Variants in BCR observed in about 807,000 individuals in gnomAD.
The protein encoded by BCR is breakpoint cluster region protein.
Under a neutral mutation model 138.6 loss-of-function variants are expected in BCR, and 58 were observed. That is an observed-to-expected ratio of 0.42 (90% CI 0.34 to 0.52). BCR has a LOEUF of 0.52. Ranked by LOEUF, BCR falls within the 20% of genes least tolerant of loss-of-function variation. BCR has a pLI of 0.06. For missense variants in BCR, 1,599 were observed against 1,727.2 expected (o/e 0.93, Z 1.32); for synonymous variants, 786 against 730.1 (o/e 1.08, Z -1.23).
At chr22:23,198,094 G>A (rs538244719) in intron 1 of BCR, among the ~76,000 whole-genome samples, 8 of 152,232 alleles carry the variant, frequency 5.3e-5, no homozygotes, top group Admixed American at 3.3e-4. Flanking sequence ...TTTATGTTGC[G>A]GAAAGGCTAA....
chr22:23,230,953 CCGAACCAT>C (rs2146243303), intron 1 of BCR, among the ~76,000 whole-genome samples: 1 of 152,280 alleles, frequency 6.6e-6, no homozygotes, highest in African/African-American at 2.4e-5. Flanking sequence ...GCACAGTATC[CCGAACCAT>C]CTAACGGGGC....
chr22:23,201,454 G>T lies in BCR; in HGVS notation c.1279+19215G>T, dbSNP rs371867678. Among the ~76,000 whole-genome samples, 313 of 95,006 alleles carry T rather than the reference G, an allele frequency of 3.3e-3. 2 individuals are homozygous for T. The highest frequency in any genetic ancestry group is 0.018 in the African/African-American group (297 of 16,772). The allele number at this position is 95,006 out of a possible 152,430, so 62.3% of individuals were successfully genotyped here. ...TGCTTTTCTCTTCTCAGTGAATCTGGTTTTTTTGTTTTTTCGTTTTTGAGA... is the reference window on the plus strand; with the variant it reads ...TGCTTTTCTCTTCTCAGTGAATCTGTTTTTTTTGTTTTTTCGTTTTTGAGA... On this transcript the variant is annotated intron_variant, in intron 1 of 22. Coordinates refer to ENST00000305877, the MANE Select transcript of BCR (RefSeq NM_004327.4).
At chr22:23,236,448 C>T (rs538220623) in intron 1 of BCR, among the ~76,000 whole-genome samples, 23 of 152,190 alleles carry the variant, frequency 1.5e-4, no homozygotes, top group Non-Finnish European at 3.1e-4. Context: ...CCTAATAGAC[C>T]ACTCCAACTT....
rs368527107 is a variant in BCR at position 23,180,960 on chromosome 22, C to T, written c.-1C>T. The T allele has an allele frequency of 2.7e-5, 37 of 1,348,394 alleles. 1 individual carries two copies. In the Middle Eastern group the frequency reaches 7.0e-4, roughly 26 times the overall value. 83.5% of individuals were successfully genotyped at this position (1,348,394 alleles called of 1,614,324 possible). A position where few individuals can be genotyped will look rare whatever the true frequency, so the allele number is the denominator to read the frequency against. On this transcript the variant is annotated 5_prime_UTR_variant, in exon 1 of 23. Transcript: ENST00000305877. Reference sequence around the variant, plus strand: ...GCGGCGCAGGTAAGGCCGGCCGCGCCATGGTGGACCCGGTGGGCTTCGCGG... The same window carrying T: ...GCGGCGCAGGTAAGGCCGGCCGCGCTATGGTGGACCCGGTGGGCTTCGCGG...
In BCR at chr22:23,252,428, T is replaced by TG. The variant is rs2073240296; in HGVS notation, c.1280-1371_1280-1370insG. Among the ~76,000 whole-genome samples, 8 of 48,574 alleles carry TG rather than the reference T, an allele frequency of 1.6e-4. No individual in the cohort carries two copies. In the South Asian group the frequency reaches 6.0e-3, roughly 37 times the overall value. 31.9% of individuals were successfully genotyped at this position (48,574 alleles called of 152,430 possible). Reference sequence around the variant, plus strand: ...TGGGTTTCCCTTTCTTTTTCTTTTCTTTTCTTTTTTTTTTTTTTTTGAGAC... The same window carrying TG: ...TGGGTTTCCCTTTCTTTTTCTTTTCTGTTTCTTTTTTTTTTTTTTTTGAGAC... On this transcript the variant is annotated intron_variant, in intron 1 of 22. Coordinates refer to ENST00000305877, the MANE Select transcript of BCR (RefSeq NM_004327.4).
intron 14 of BCR, among the ~76,000 whole-genome samples, chr22:23,291,646 C>T (rs1272033496): frequency 6.6e-6 from 1 of 152,098 alleles, no homozygotes; most frequent in Non-Finnish European, 1.5e-5. Flanking sequence ...TCTATCTCTT[C>T]CTTGCCCCGT....
At position 23,309,420 on chromosome 22, in the gene BCR, T is replaced by A; in HGVS notation, c.3013-4T>A. On this transcript the variant is annotated splice_polypyrimidine_tract_variant and splice_region_variant and intron_variant, in intron 16 of 22. Coordinates refer to ENST00000305877, the MANE Select transcript of BCR (RefSeq NM_004327.4). ...CTCTGCCAATCATGACTCCTTCCTT[T>A]CAGCTGGACCCGCAGGCCCTGCAGG... 1.3e-6 allele frequency: 2 copies of A among 1,597,204 alleles called. No individual in the cohort carries two copies. Among genetic ancestry groups the A allele is most frequent in the Non-Finnish European group, 1.7e-6 (2 of 1,171,560 alleles).
chr22:23,183,583 C>A (rs1005528960), intron 1 of BCR, among the ~76,000 whole-genome samples: 2 of 152,242 alleles, frequency 1.3e-5, no homozygotes, highest in African/African-American at 4.8e-5. Flanking sequence ...ATTCAGAAGC[C>A]TGCTTTGCAG....
At chr22:23,293,665 G>A (rs1317124479) in intron 15 of BCR, among the ~76,000 whole-genome samples, 1 of 152,042 alleles carries the variant, frequency 6.6e-6, no homozygotes, top group Non-Finnish European at 1.5e-5. Flanking sequence ...TGTGCAAAAG[G>A]TTCAGGTGCC....
intron 1 of BCR, among the ~76,000 whole-genome samples, chr22:23,241,886 C>T (rs1285944567): frequency 6.6e-6 from 1 of 152,082 alleles, no homozygotes; most frequent in African/African-American, 2.4e-5. Flanking sequence ...AAATGGAGCC[C>T]AAGTCCTTGG....
chr22:23,238,869 A>AG (rs2073055523), intron 1 of BCR, among the ~76,000 whole-genome samples: 2 of 146,524 alleles, frequency 1.4e-5, no homozygotes, highest in Non-Finnish European at 3.0e-5. Context: ...GCAGCTTGCA[A>AG]GGGGGGTGGG....
chr22:23,302,985 A>C (rs2073918797), intron 16 of BCR: 2 of 142,522 alleles, frequency 1.4e-5, no homozygotes, highest in African/African-American at 5.1e-5. Flanking sequence ...CTGACCCCCC[A>C]CCCGTGAGAG....
chr22:23,219,318 G>C (rs939851956), intron 1 of BCR, among the ~76,000 whole-genome samples: 2 of 152,188 alleles, frequency 1.3e-5, no homozygotes, highest in African/African-American at 4.8e-5. Context: ...TTCAAGCTCT[G>C]TTCCTTATGT....
chr22:23,233,022 C>T (rs1456644544), intron 1 of BCR, among the ~76,000 whole-genome samples: 1 of 152,240 alleles, frequency 6.6e-6, no homozygotes, highest in Non-Finnish European at 1.5e-5. Flanking sequence ...TCAGCCTGGA[C>T]TTGGGTCCAG....
At chr22:23,267,705 G>T (rs1385407606) in intron 4 of BCR, among the ~76,000 whole-genome samples, 1 of 152,200 alleles carries the variant, frequency 6.6e-6, no homozygotes, top group East Asian at 1.9e-4. Context: ...CCCAGAGATG[G>T]CAGTGTCTGC....
At chr22:23,264,441 C>T in intron 4 of BCR, 1 of 675,134 alleles carries the variant, frequency 1.5e-6, no homozygotes, top group Non-Finnish European at 2.7e-6. Flanking sequence ...AGTGATAGTT[C>T]CTCCCCACTG....
At chr22:23,234,816 G>A (rs1285477856) in intron 1 of BCR, among the ~76,000 whole-genome samples, 1 of 143,938 alleles carries the variant, frequency 6.9e-6, no homozygotes, top group African/African-American at 2.5e-5. Context: ...AGCTGGAGCC[G>A]TGGGACCAGG....
Position 23,181,328 on chromosome 22 carries a change from C to G in BCR, c.368C>G (p.Pro123Arg). 1 of 1,401,072 alleles carries G rather than the reference C, an allele frequency of 7.1e-7. No individual in the cohort carries two copies. The highest frequency in any genetic ancestry group is 9.3e-7 in the Non-Finnish European group (1 of 1,079,818). The allele number at this position is 1,401,072 out of a possible 1,614,324, so 86.8% of individuals were successfully genotyped here. The change falls in exon 1 of 23, where the codon CCG (proline) becomes CGG (arginine). Residue 123 changes from proline (P) to arginine (R), a missense_variant. Around this residue, in one of 4 missense-constraint regions of BCR, gnomAD observed 806 missense variants for 635.0 expected, o/e 1.27. Transcript: ENST00000305877. ...PEARPDGEGS[P>R]GKARPGTARR... ...GCCCGGCCCGACGGCGAGGGTTCTC[C>G]GGGTAAGGCCAGGCCCGGGACCGCC...
chr22:23,243,321 G>C (rs1390872869), intron 1 of BCR, among the ~76,000 whole-genome samples: 1 of 152,140 alleles, frequency 6.6e-6, no homozygotes, highest in African/African-American at 2.4e-5. Flanking sequence ...GATGGGGAGA[G>C]GGGTGGAGAT....
Sources: gnomAD v4.1 joint callset for allele counts (sites outside exome capture counted in the v4.1 genomes callset) on GRCh38, gnomAD v4.1.1 for gene constraint, gnomAD v4.1.1 regional missense constraint, MANE v1.5 for transcripts, NCBI Gene and HGNC (gene_info 2026-07-23, HGNC 2026-07-21) for gene names.